Variants in DDX21 observed in about 807,000 individuals in gnomAD.
The protein encoded by DDX21 is nucleolar RNA helicase 2.
Under a neutral mutation model 90.0 loss-of-function variants are expected in DDX21, and 18 were observed. That is an observed-to-expected ratio of 0.20 (90% CI 0.14 to 0.30). DDX21 has a LOEUF of 0.30. Ranked by LOEUF, DDX21 falls within the 10% of genes least tolerant of loss-of-function variation. The pLI is 1.00. For missense variants in DDX21, 673 were observed against 944.5 expected, an observed-to-expected ratio of 0.71 and a Z score of 3.77; for synonymous variants, 294 against 318.0, an observed-to-expected ratio of 0.92 and a Z score of 0.80.
intron 6 of DDX21, among the ~76,000 whole-genome samples, chr10:68,967,550 A>C (rs561262030): frequency 8.9e-5 from 13 of 146,608 alleles, no homozygotes; most frequent in Admixed American, 3.4e-4. Context: ...AACTTGGATT[A>C]AAAAAAAAAA....
At chr10:68,972,146 A>G in intron 9 of DDX21, 94 bp downstream of exon 9, 1 of 1,398,382 alleles carries the variant, frequency 7.2e-7, no homozygotes, top group South Asian at 1.4e-5. Flanking sequence ...TGTCATTAGT[A>G]TATAGCTATC....
intron 3 of DDX21, 95 bp downstream of exon 3, chr10:68,962,252 A>G: frequency 1.1e-6 from 1 of 913,278 alleles, no homozygotes; most frequent in Non-Finnish European, 1.7e-6. Context: ...ATGTATTCTT[A>G]TTGTAGGCTG....
intron 9 of DDX21, among the ~76,000 whole-genome samples, chr10:68,972,967 T>A: frequency 6.6e-6 from 1 of 152,090 alleles, no homozygotes; most frequent in East Asian, 1.9e-4. Flanking sequence ...AACGAATCAC[T>A]TAAGGTCAGG....
intron 2 of DDX21, among the ~76,000 whole-genome samples, chr10:68,961,109 A>T (rs984303807): frequency 7.2e-5 from 11 of 152,262 alleles, no homozygotes; most frequent in Non-Finnish European, 1.5e-4. Context: ...TATTAAAAAA[A>T]TTTGTTTTAG....
intron 6 of DDX21, among the ~76,000 whole-genome samples, chr10:68,968,494 C>A (rs183416424): frequency 6.6e-6 from 1 of 152,184 alleles, no homozygotes; most frequent in Admixed American, 6.5e-5. Context: ...AGTGGAATTA[C>A]TGAGCTTAAA....
intron 4 of DDX21, among the ~76,000 whole-genome samples, chr10:68,963,745 C>A (rs1159911425): frequency 3.3e-5 from 5 of 151,734 alleles, no homozygotes; most frequent in African/African-American, 1.2e-4. Context: ...ATTAGATGTC[C>A]CTGGGGCTCA....
At chr10:68,966,297 G>A (rs1193812352) in intron 5 of DDX21, among the ~76,000 whole-genome samples, 2 of 150,948 alleles carry the variant, frequency 1.3e-5, no homozygotes, top group Non-Finnish European at 3.0e-5. Flanking sequence ...GGCTGATCTC[G>A]AACTCCTGAC....
At chr10:68,973,336 C>T (rs1843052553) in intron 9 of DDX21, among the ~76,000 whole-genome samples, 1 of 152,156 alleles carries the variant, frequency 6.6e-6, no homozygotes, top group African/African-American at 2.4e-5. Flanking sequence ...AGACAATGCT[C>T]TTTGTAAATT....
chr10:68,965,437 A>G lies in DDX21; in HGVS notation c.847A>G (p.Ile283Val). Residue 283 changes from isoleucine (I) to valine (V), a missense_variant, in exon 5 of 15, where the codon ATC becomes GTC. Ile to Val is a conservative substitution (Grantham distance 29). Coordinates refer to ENST00000354185, the MANE Select transcript of DDX21 (RefSeq NM_004728.4). Reference sequence around the variant, plus strand: ...TCAAGTAAGCAAAGACTTCAGTGACATCACAAAAAAGCTGTCAGTGGCTTG... The same window carrying G: ...TCAAGTAAGCAAAGACTTCAGTGACGTCACAAAAAAGCTGTCAGTGGCTTG... The part of the protein sequence containing the change: ...ANQVSKDFSD[I>V]TKKLSVACFY... 1 of 1,614,060 alleles carries G rather than the reference A, an allele frequency of 6.2e-7. No individual in the cohort carries two copies. Among genetic ancestry groups the G allele is most frequent in the South Asian group, 1.1e-5 (1 of 91,086 alleles).
intron 13 of DDX21, among the ~76,000 whole-genome samples, chr10:68,980,821 C>CCT (rs1427097763): frequency 2.4e-5 from 3 of 122,822 alleles, no homozygotes; most frequent in African/African-American, 1.0e-4. Context: ...GTAGTGAGAC[C>CCT]CTGTCTCTAC....
chr10:68,972,870 A>G (rs1330919472), intron 9 of DDX21, among the ~76,000 whole-genome samples: 1 of 152,202 alleles, frequency 6.6e-6, no homozygotes, highest in African/African-American at 2.4e-5. Flanking sequence ...GTTTGTATAG[A>G]TAGTATATTG....
intron 6 of DDX21, among the ~76,000 whole-genome samples, chr10:68,967,816 G>A (rs1028243759): frequency 6.6e-6 from 1 of 152,004 alleles, no homozygotes; most frequent in Non-Finnish European, 1.5e-5. Context: ...CATCTGCCTA[G>A]TTTGATTTTT....
chr10:68,961,225 A>G (rs1842869275), intron 2 of DDX21, among the ~76,000 whole-genome samples: 1 of 152,222 alleles, frequency 6.6e-6, no homozygotes, highest in Non-Finnish European at 1.5e-5. Flanking sequence ...ACAAGCCACC[A>G]CACCCAGCTG....
At chr10:68,960,774 TAAA>T (rs35285469) in intron 2 of DDX21, among the ~76,000 whole-genome samples, 52 of 142,318 alleles carry the variant, frequency 3.7e-4, no homozygotes, top group Non-Finnish European at 4.3e-4. Context: ...ACTCTGTCTT[TAAA>T]AAAAAAAAAA....
chr10:68,982,388 T>G (rs762234381), intron 14 of DDX21, among the ~76,000 whole-genome samples, 155 bp from the exon 15 acceptor site: 2 of 152,234 alleles, frequency 1.3e-5, no homozygotes, highest in Non-Finnish European at 2.9e-5. Flanking sequence ...TTTTGGACCA[T>G]GATGGGTGGC....
chr10:68,982,770 C>G lies in DDX21; in HGVS notation c.2310C>G (p.Asn770Lys). The G allele has an allele frequency of 6.2e-7, 1 of 1,614,146 alleles. No homozygotes were observed. The highest frequency in any genetic ancestry group is 1.1e-5 in the South Asian group (1 of 91,082). The part of the protein sequence containing the change: ...GGGNKSNRSQ[N>K]KGQKRSFSKA... ...GCAACAAAAGTAACAGATCCCAAAA[C>G]AAAGGCCAGAAGCGGAGTTTCAGTA... Residue 770 changes from asparagine to lysine, a missense_variant, in exon 15 of 15, where the codon AAC becomes AAG. By Grantham distance (94) the Asn-to-Lys change is moderately conservative. Coordinates refer to ENST00000354185, the MANE Select transcript of DDX21 (RefSeq NM_004728.4).
chr10:68,975,731 G>A (rs1165661915), intron 11 of DDX21, among the ~76,000 whole-genome samples: 2 of 151,822 alleles, frequency 1.3e-5, no homozygotes, highest in Non-Finnish European at 2.9e-5. Flanking sequence ...TGGGCAACAC[G>A]GTGAAACTCC....
At chr10:68,963,936 TA>T (rs1221983887) in intron 4 of DDX21, among the ~76,000 whole-genome samples, 3 of 151,560 alleles carry the variant, frequency 2.0e-5, no homozygotes, top group South Asian at 2.1e-4. Context: ...CCATCTCTAA[TA>T]AAAATACAAA....
Position 68,977,683 on chromosome 10 carries a change from A to G in DDX21, c.1897A>G (p.Asn633Asp). ...AGACCAGCGCTCCTTGATCAACTCA[A>G]ATGTGGTAAGGTTCTGCAGCACATT... ...SVDQRSLINSNVGFVTMILQC... is the reference protein window; with the variant it reads ...SVDQRSLINSDVGFVTMILQC... The change falls in exon 12 of 15, where the codon AAT (asparagine) becomes GAT (aspartate). Residue 633 changes from asparagine (N) to aspartate (D), a missense_variant. Physicochemically the swap from Asn to Asp is conservative, Grantham distance 23. Around this residue, in one of 4 missense-constraint regions of DDX21, gnomAD observed 225 missense variants for 298.8 expected, o/e 0.75. Coordinates refer to ENST00000354185, the MANE Select transcript of DDX21 (RefSeq NM_004728.4). The G allele has an allele frequency of 6.2e-7, 1 of 1,610,824 alleles. No individual in the cohort carries two copies. Among genetic ancestry groups the G allele is most frequent in the Non-Finnish European group, 8.5e-7 (1 of 1,177,914 alleles).
Sources: gnomAD v4.1 joint callset for allele counts (sites outside exome capture counted in the v4.1 genomes callset) on GRCh38, gnomAD v4.1.1 for gene constraint, gnomAD v4.1.1 regional missense constraint, MANE v1.5 for transcripts, NCBI Gene and HGNC (gene_info 2026-07-23, HGNC 2026-07-21) for gene names.